Variants in TCF12 observed in about 807,000 individuals in gnomAD.
TCF12 encodes transcription factor 12, also known as DNA-binding protein HTF4.
Under a neutral mutation model 86.0 loss-of-function variants are expected in TCF12, and 45 were observed. The ratio of observed to expected loss-of-function variants is 0.52; its 90% confidence interval spans 0.41 to 0.67. The LOEUF is 0.67. Among genes scored for constraint, TCF12 ranks in the 30% least tolerant of loss-of-function variants. TCF12 has a pLI of 0.00. For missense variants in TCF12, 881 were observed against 859.9 expected, an observed-to-expected ratio of 1.02 and a Z score of -0.31; for synonymous variants, 330 against 299.6, an observed-to-expected ratio of 1.10 and a Z score of -1.05.
chr15:57,035,210 C>A (rs538004969), intron 3 of TCF12, among the ~76,000 whole-genome samples: 1 of 152,204 alleles, frequency 6.6e-6, no homozygotes, highest in East Asian at 1.9e-4. Context: ...TGAATGACTT[C>A]GGGGTTTAAA....
At chr15:57,044,328 G>A (rs1184076411) in intron 3 of TCF12, among the ~76,000 whole-genome samples, 7 of 152,198 alleles carry the variant, frequency 4.6e-5, no homozygotes, top group Non-Finnish European at 1.0e-4. Context: ...TTGGGAGGCC[G>A]AGACAGGCGG....
At chr15:57,067,093 A>G (rs1256382951) in intron 4 of TCF12, among the ~76,000 whole-genome samples, 1 of 152,200 alleles carries the variant, frequency 6.6e-6, no homozygotes, top group Non-Finnish European at 1.5e-5. Flanking sequence ...GCATGGTTCC[A>G]GTCTGTGTGT....
At chr15:56,994,905 G>T (rs1416532902) in intron 3 of TCF12, among the ~76,000 whole-genome samples, 3 of 152,042 alleles carry the variant, frequency 2.0e-5, no homozygotes, top group Non-Finnish European at 4.4e-5. Context: ...AAATATTTGG[G>T]TAAATATTGT....
chr15:57,286,569 G>T lies in TCF12; in HGVS notation c.*424G>T, dbSNP rs1697133009. On this transcript the variant is annotated 3_prime_UTR_variant, in exon 21 of 21. Transcript: ENST00000333725. ...TAAAGGGAAAAAGTTAATGTGGAAA[G>T]CTGATCTACACTCAGCTGATGCCAG... 3 of 440,968 alleles carry T rather than the reference G, an allele frequency of 6.8e-6. No individual in the cohort carries two copies. The Admixed American group carries it at 7.7e-5, about 11-fold the overall frequency. The allele number at this position is 440,968 out of a possible 1,614,324, so 27.3% of individuals were successfully genotyped here. A position where few individuals can be genotyped will look rare whatever the true frequency, so the allele number is the denominator to read the frequency against.
intron 3 of TCF12, among the ~76,000 whole-genome samples, chr15:57,030,394 A>G (rs1404802653): frequency 6.6e-6 from 1 of 152,144 alleles, no homozygotes; most frequent in Non-Finnish European, 1.5e-5. Flanking sequence ...GCAAGCCAGC[A>G]CACCTGGCTA....
At chr15:57,020,631 A>G (rs1216592659) in intron 3 of TCF12, among the ~76,000 whole-genome samples, 2 of 152,202 alleles carry the variant, frequency 1.3e-5, no homozygotes, top group Non-Finnish European at 2.9e-5. Context: ...ACCATCTACT[A>G]AATAGATGGA....
At chr15:57,042,842 A>C (rs1056437217) in intron 3 of TCF12, among the ~76,000 whole-genome samples, 47 of 152,306 alleles carry the variant, frequency 3.1e-4, no homozygotes, top group African/African-American at 1.1e-3. Context: ...AACTATGTGC[A>C]CATTGTTTTA....
At chr15:57,151,314 C>T (rs955337639) in intron 5 of TCF12, among the ~76,000 whole-genome samples, 2 of 151,824 alleles carry the variant, frequency 1.3e-5, no homozygotes, top group Admixed American at 1.3e-4. Flanking sequence ...AAGAAAAATA[C>T]AGTATCTGAA....
intron 6 of TCF12, among the ~76,000 whole-genome samples, chr15:57,183,486 G>A (rs928563934): frequency 1.3e-5 from 2 of 152,048 alleles, no homozygotes. Context: ...ATTCTCTTGC[G>A]TATTTCCAAC....
intron 5 of TCF12, among the ~76,000 whole-genome samples, chr15:57,137,547 G>A (rs374740212): frequency 1.2e-4 from 18 of 152,144 alleles, no homozygotes; most frequent in Admixed American, 3.9e-4. Context: ...TGTAGGAATC[G>A]TTGTAGGATT....
chr15:57,170,770 T>TATTA (rs1399888880), intron 6 of TCF12, among the ~76,000 whole-genome samples: 2 of 6,446 alleles, frequency 3.1e-4, no homozygotes, highest in African/African-American at 6.7e-4. Flanking sequence ...TATATATATA[T>TATTA]TATATATAAT....
chr15:57,205,133 T>C (rs1433993932), intron 8 of TCF12, among the ~76,000 whole-genome samples: 1 of 151,920 alleles, frequency 6.6e-6, no homozygotes, highest in Non-Finnish European at 1.5e-5. Flanking sequence ...GCCAACATAA[T>C]GGAACCCCGC....
At chr15:57,010,979 C>G (rs761726936) in intron 3 of TCF12, among the ~76,000 whole-genome samples, 5 of 152,028 alleles carry the variant, frequency 3.3e-5, no homozygotes, top group Admixed American at 6.6e-5. Flanking sequence ...ATTCCCAGGT[C>G]CTTTTTAAGG....
chr15:57,014,828 AT>A (rs1782674392), intron 3 of TCF12, among the ~76,000 whole-genome samples: 1 of 151,510 alleles, frequency 6.6e-6, no homozygotes, highest in Admixed American at 6.6e-5. Context: ...GGGTCAAGAT[AT>A]GGGGGTGGGG....
chr15:57,273,631 T>G (rs548982622), intron 19 of TCF12, among the ~76,000 whole-genome samples: 14 of 152,254 alleles, frequency 9.2e-5, no homozygotes, highest in Non-Finnish European at 2.1e-4. Context: ...TTCCTACTTC[T>G]CTGTATTCAT....
At position 56,984,001 on chromosome 15, in the gene TCF12, C is replaced by CA. The variant is rs71113046; in HGVS notation, c.148+62918dup. Among the ~76,000 whole-genome samples, 54 of 43,056 alleles carry CA rather than the reference C, an allele frequency of 1.3e-3. 4 individuals carry two copies. Among genetic ancestry groups the CA allele is most frequent in the African/African-American group, 3.8e-3 (39 of 10,366 alleles). The allele number at this position is 43,056 out of a possible 152,430, so 28.2% of individuals were successfully genotyped here. A position where few individuals can be genotyped will look rare whatever the true frequency, so the allele number is the denominator to read the frequency against. The stretch of plus-strand genomic sequence containing the variant: ...TAGGCAACTGAGTGAGACCCTGTCT[C>CA]AAAAAAAAAAAAAAAGAAGAAGAAG... On this transcript the variant is annotated intron_variant, in intron 3 of 20. Coordinates refer to ENST00000333725, the MANE Select transcript of TCF12 (RefSeq NM_207037.2).
At chr15:57,190,678 G>A (rs1044298097) in intron 6 of TCF12, among the ~76,000 whole-genome samples, 1 of 151,946 alleles carries the variant, frequency 6.6e-6, no homozygotes, top group Non-Finnish European at 1.5e-5. Context: ...TTTGTGAGAG[G>A]GTTACTGCAT....
chr15:57,282,629 G>A, intron 20 of TCF12, 31 bp downstream of exon 20: 1 of 1,594,832 alleles, frequency 6.3e-7, no homozygotes, highest in Non-Finnish European at 8.5e-7. Flanking sequence ...AAACAGCAAG[G>A]AAATAACCTT....
rs540483364 is a variant in TCF12, at chr15:57,141,941, A to G, written c.326-24461A>G. On this transcript the variant is annotated intron_variant, in intron 5 of 20. Coordinates refer to ENST00000333725, the MANE Select transcript of TCF12 (RefSeq NM_207037.2). ...AATATTTCAAGCTTGAATGACATAA[A>G]GGGAAGAAGCACAAACGGGAGGAAT... Among the ~76,000 whole-genome samples, 12 of 152,324 alleles carry G rather than the reference A, an allele frequency of 7.9e-5. No individual in the cohort carries two copies. In the South Asian group the frequency reaches 2.5e-3, roughly 32 times the overall value.
Sources: gnomAD v4.1 joint callset for allele counts (sites outside exome capture counted in the v4.1 genomes callset) on GRCh38, gnomAD v4.1.1 for gene constraint, MANE v1.5 for transcripts, NCBI Gene and HGNC (gene_info 2026-07-23, HGNC 2026-07-21) for gene names.